HOXA4: variants seen among roughly 807,000 people sequenced by gnomAD.
HOXA4 encodes the protein homeobox protein Hox-A4.
HOXA4 carries 31 observed loss-of-function variants against 25.3 expected under a neutral mutation model. That is an observed-to-expected ratio of 1.22 (90% CI 0.92 to 1.65). The LOEUF is 1.65. HOXA4 is among the 40% of genes most tolerant of loss of function. The pLI, the probability that HOXA4 is intolerant of heterozygous loss-of-function variation, is 0.00. For missense variants in HOXA4, 459 were observed against 446.0 expected (o/e 1.03, Z -0.26); for synonymous variants, 225 against 207.7 (o/e 1.08, Z -0.72).
rs1328086753 is a variant in HOXA4, at chr7:27,129,173, A to G, written c.*52T>C. On this transcript the variant is annotated 3_prime_UTR_variant, in exon 2 of 2. Coordinates refer to ENST00000360046, the MANE Select transcript of HOXA4 (RefSeq NM_002141.5). The stretch of plus-strand genomic sequence containing the variant: ...GGTGGATGAGGAACGGAGCAGGAGA[A>G]GAGAAGAGAAAAGCAGGTAAGGGAT... 1.0e-5 allele frequency: 11 copies of G among 1,078,894 alleles called. No homozygotes were observed. Among genetic ancestry groups the G allele is most frequent in the Non-Finnish European group, 1.4e-5 (10 of 692,120 alleles). The allele number at this position is 1,078,894 out of a possible 1,614,324, so 66.8% of individuals were successfully genotyped here.
At position 27,130,214 on chromosome 7, in the gene HOXA4, C is replaced by CG; in HGVS notation, c.519dup (p.Ala174ArgfsTer34). On this transcript the variant is annotated frameshift_variant, in exon 1 of 2. Coordinates refer to ENST00000360046, the MANE Select transcript of HOXA4 (RefSeq NM_002141.5). LOFTEE classifies it high-confidence loss of function. ...TTGTCGGCCAAGAGCAGCGGGCACG[C>CG]GGGGGCGCTGCCCCCTGCCGGGACG... 2 of 1,525,248 alleles carry CG rather than the reference C, an allele frequency of 1.3e-6. No individual in the cohort carries two copies. Among genetic ancestry groups the CG allele is most frequent in the South Asian group, 1.2e-5 (1 of 83,894 alleles). 94.5% of individuals were successfully genotyped at this position (1,525,248 alleles called of 1,614,324 possible).
chr7:27,129,215 C>T lies in HOXA4; in HGVS notation c.*10G>A. The stretch of plus-strand genomic sequence containing the variant: ...GTAAGGGATAGAAACTGGTTAAGAT[C>T]TCTAGAAGATTATATGGAGGAGGGA... On this transcript the variant is annotated 3_prime_UTR_variant, in exon 2 of 2. Coordinates refer to ENST00000360046, the MANE Select transcript of HOXA4 (RefSeq NM_002141.5). The T allele has an allele frequency of 6.9e-7, 1 of 1,439,056 alleles. No individual in the cohort carries two copies. The highest frequency in any genetic ancestry group is 9.8e-7 in the Non-Finnish European group (1 of 1,021,098). 89.1% of individuals were successfully genotyped at this position (1,439,056 alleles called of 1,614,324 possible). A position where few individuals can be genotyped will look rare whatever the true frequency, so the allele number is the denominator to read the frequency against.
Position 27,129,413 on chromosome 7 carries a change from C to T in HOXA4, c.775G>A (p.Val259Ile). Residue 259 changes from valine to isoleucine, a missense_variant, in exon 2 of 2, where the codon GTC (valine) becomes ATC (isoleucine). Physicochemically the swap from Val to Ile is conservative, Grantham distance 29. Transcript: ENST00000360046. The stretch of plus-strand genomic sequence containing the variant: ...CTCCGGTTCTGAAACCAGATCTTGA[C>T]CTGGCGCTCAGACAAACAGAGCGTG... Reference protein sequence around the residue: ...AHTLCLSERQVKIWFQNRRMK... With the variant: ...AHTLCLSERQIKIWFQNRRMK... 5 of 1,614,170 alleles carry T rather than the reference C, an allele frequency of 3.1e-6. No individual in the cohort carries two copies. The highest frequency in any genetic ancestry group is 4.2e-6 in the Non-Finnish European group (5 of 1,180,044).
intron 1 of HOXA4, 145 bp from the exon 2 acceptor site, chr7:27,129,716 C>A (rs1785438470): frequency 2.3e-6 from 2 of 888,324 alleles, no homozygotes; most frequent in African/African-American, 3.3e-5. Context: ...ACGCAAGATA[C>A]ATAAAACGGC....
chr7:27,130,144 C>G lies in HOXA4; in HGVS notation c.590G>C (p.Trp197Ser). 6.2e-7 allele frequency: 1 copy of G among 1,603,844 alleles called. No homozygotes were observed. The highest frequency in any genetic ancestry group is 8.5e-7 in the Non-Finnish European group (1 of 1,177,826). ...LKGKEPVVYP[W>S]MKKIHVSAVN... ...GGCGCTGACATGGATCTTCTTCATC[C>G]AGGGGTACACCACGGGCTCCTTGCC... Residue 197 changes from tryptophan to serine, a missense_variant, in exon 1 of 2, where the codon TGG becomes TCG. By Grantham distance (177) the Trp-to-Ser change is radical. Transcript: ENST00000360046.
In HOXA4 at chr7:27,130,616, G is replaced by T. The variant is rs751626752; in HGVS notation, c.118C>A (p.Pro40Thr). ...GGADGGPGGG[P>T]GYQQPPAPPT... Reference sequence around the variant, plus strand: ...GGCGCTGGGGGCTGCTGGTAGCCGGGGCCCCCGCCCGGGCCGCCGTCTGCG... The same window carrying T: ...GGCGCTGGGGGCTGCTGGTAGCCGGTGCCCCCGCCCGGGCCGCCGTCTGCG... Residue 40 changes from proline to threonine, a missense_variant, in exon 1 of 2, where the codon CCC (proline) becomes ACC (threonine). Transcript: ENST00000360046. 3.2e-6 allele frequency: 5 copies of T among 1,553,888 alleles called. No homozygotes were observed. The highest frequency in any genetic ancestry group is 4.4e-6 in the Non-Finnish European group (5 of 1,148,814).
chr7:27,128,974 C>T lies in HOXA4; in HGVS notation c.*251G>A. On this transcript the variant is annotated 3_prime_UTR_variant, in exon 2 of 2. Transcript: ENST00000360046. ...AAGTAGTCCTTCTCAGGTATCCACA[C>T]CTGGCAGCCTTGTTTCGGGCCAGCA... The T allele has an allele frequency of 1.8e-6, 1 of 566,560 alleles. No individual in the cohort carries two copies. The highest frequency in any genetic ancestry group is 3.2e-6 in the Non-Finnish European group (1 of 316,392). The allele number at this position is 566,560 out of a possible 1,614,324, so 35.1% of individuals were successfully genotyped here. A position where few individuals can be genotyped will look rare whatever the true frequency, so the allele number is the denominator to read the frequency against.
intron 1 of HOXA4, among the ~76,000 whole-genome samples, chr7:27,129,804 A>G (rs1474166737): frequency 6.6e-6 from 1 of 152,240 alleles, no homozygotes; most frequent in Non-Finnish European, 1.5e-5. Flanking sequence ...ATTGGGGCTG[A>G]AGAAAAGCTT....
rs1203638637 is a variant in HOXA4, at chr7:27,130,254, G to C, written c.480C>G (p.Ala160=). Residue 160 remains alanine (A), a synonymous_variant, in exon 1 of 2, where the codon GCC becomes GCG. Coordinates refer to ENST00000360046, the MANE Select transcript of HOXA4 (RefSeq NM_002141.5). The stretch of plus-strand genomic sequence containing the variant: ...CTGCCGGGACGCCTGGGGTGGCGGG[G>C]GCCGCCTCGCAGCGCCGCGGGGCCG... ...PPAAPRRCEA[A]PATPGVPAGG... is the part of the protein sequence containing the mutation. 2 of 1,236,540 alleles carry C rather than the reference G, an allele frequency of 1.6e-6. No individual in the cohort carries two copies. Among genetic ancestry groups the C allele is most frequent in the East Asian group, 3.6e-5 (1 of 27,886 alleles). The allele number at this position is 1,236,540 out of a possible 1,614,324, so 76.6% of individuals were successfully genotyped here.
intron 1 of HOXA4, 63 bp from the exon 2 acceptor site, chr7:27,129,634 G>A: frequency 3.8e-6 from 6 of 1,579,786 alleles, no homozygotes; most frequent in Non-Finnish European, 5.2e-6. Context: ...AGGGAAAGGA[G>A]GAGGAGAGAG....
rs1161814343 is a variant in HOXA4 at position 27,129,567 on chromosome 7, G to T, written c.621C>A (p.Asn207Lys). ...TAGGCTCCCCTCCGTTATAACTGGGGTTAACTGAAAACCCAGAACCCCGAA... is the reference window on the plus strand; with the variant it reads ...TAGGCTCCCCTCCGTTATAACTGGGTTTAACTGAAAACCCAGAACCCCGAA... ...WMKKIHVSAV[N>K]PSYNGGEPKR... Residue 207 changes from asparagine to lysine, a missense_variant, in exon 2 of 2, where the codon AAC becomes AAA. Physicochemically the swap from Asn to Lys is moderately conservative, Grantham distance 94. Coordinates refer to ENST00000360046, the MANE Select transcript of HOXA4 (RefSeq NM_002141.5). 1 of 1,612,478 alleles carries T rather than the reference G, an allele frequency of 6.2e-7. No individual in the cohort carries two copies. The highest frequency in any genetic ancestry group is 2.2e-5 in the East Asian group (1 of 44,870).
At position 27,129,187 on chromosome 7, in the gene HOXA4, C is replaced by A; in HGVS notation, c.*38G>T. On this transcript the variant is annotated 3_prime_UTR_variant, in exon 2 of 2. Coordinates refer to ENST00000360046, the MANE Select transcript of HOXA4 (RefSeq NM_002141.5). ...GGAGCAGGAGAAGAGAAGAGAAAAG[C>A]AGGTAAGGGATAGAAACTGGTTAAG... 2.5e-6 allele frequency: 3 copies of A among 1,182,834 alleles called. No homozygotes were observed. Among genetic ancestry groups the A allele is most frequent in the Non-Finnish European group, 3.8e-6 (3 of 787,926 alleles). 73.3% of individuals were successfully genotyped at this position (1,182,834 alleles called of 1,614,324 possible). A position where few individuals can be genotyped will look rare whatever the true frequency, so the allele number is the denominator to read the frequency against.
rs529903815 is a variant in HOXA4, at chr7:27,130,149, G to A, written c.585C>T (p.Tyr195=). 9.0e-5 allele frequency: 145 copies of A among 1,603,542 alleles called. 1 individual carries two copies. The South Asian group carries it at 1.4e-3, about 16-fold the overall frequency. The change falls in exon 1 of 2, where the codon TAC becomes TAT. Residue 195 remains tyrosine (Y), a synonymous_variant. Coordinates refer to ENST00000360046, the MANE Select transcript of HOXA4 (RefSeq NM_002141.5). ...LGLKGKEPVV[Y]PWMKKIHVSA... ...TGACATGGATCTTCTTCATCCAGGG[G>A]TACACCACGGGCTCCTTGCCCTTCA...
intron 1 of HOXA4, 80 bp from the exon 2 acceptor site, chr7:27,129,651 G>A: frequency 6.7e-7 from 1 of 1,500,012 alleles, no homozygotes; most frequent in Non-Finnish European, 9.1e-7. Flanking sequence ...AGAGAAGGTG[G>A]GGTGGGGAAG....
chr7:27,129,290 G>A lies in HOXA4; in HGVS notation c.898C>T (p.Gln300Ter). The A allele has an allele frequency of 1.2e-6, 2 of 1,614,084 alleles. No homozygotes were observed. The highest frequency in any genetic ancestry group is 8.5e-7 in the Non-Finnish European group (1 of 1,179,988). Residue 300 changes from glutamine (Q) to a stop codon, truncating the protein, a stop_gained, in exon 2 of 2, where the codon CAG (glutamine) becomes TAG (stop). Transcript: ENST00000360046. LOFTEE classifies it high-confidence loss of function. ...GGGTGGGGATGGAGGTGTGGGCTCT[G>A]AGTTTGTGCTTTCCCTGGTGGGCCG... ...SAGPPGKAQT[Q>*]SPHLHPHPHP...
Position 27,130,657 on chromosome 7 carries a change from T to C in HOXA4, c.77A>G (p.His26Arg). The change falls in exon 1 of 2, where the codon CAC (histidine) becomes CGC (arginine). Residue 26 changes from histidine (H) to arginine (R), a missense_variant. Transcript: ENST00000360046. ...KFPPFEEYAQ[H>R]SGSGGADGGP... ...GCCGTCTGCGCCGCCCGAGCCGCTGTGCTGCGCGTACTCCTCGAAGGGAGG... is the reference window on the plus strand; with the variant it reads ...GCCGTCTGCGCCGCCCGAGCCGCTGCGCTGCGCGTACTCCTCGAAGGGAGG... 6.2e-7 allele frequency: 1 copy of C among 1,605,216 alleles called. No individual in the cohort carries two copies. The highest frequency in any genetic ancestry group is 8.5e-7 in the Non-Finnish European group (1 of 1,175,780).
Position 27,128,752 on chromosome 7 carries a change from T to C in HOXA4, c.*473A>G, listed in dbSNP as rs1785388094. ...ACATCTTAAGAATTAAATAATCTTG[T>C]GAGGTCCACAATGTCTACTCATTTA... is the stretch of plus-strand genomic sequence containing the variant. On this transcript the variant is annotated 3_prime_UTR_variant, in exon 2 of 2. Coordinates refer to ENST00000360046, the MANE Select transcript of HOXA4 (RefSeq NM_002141.5). 1 of 181,366 alleles carries C rather than the reference T, an allele frequency of 5.5e-6. No homozygotes were observed. Among genetic ancestry groups the C allele is most frequent in the Non-Finnish European group, 1.2e-5 (1 of 83,856 alleles). 11.2% of individuals were successfully genotyped at this position (181,366 alleles called of 1,614,324 possible). A position where few individuals can be genotyped will look rare whatever the true frequency, so the allele number is the denominator to read the frequency against.
At chr7:27,130,075 A>C (rs1435947013) in intron 1 of HOXA4, 43 bp downstream of exon 1, 2 of 1,548,840 alleles carry the variant, frequency 1.3e-6, no homozygotes, top group Non-Finnish European at 1.7e-6. Context: ...ACCCAGGCCC[A>C]GCCCCGGCCC....
chr7:27,130,306 G>C lies in HOXA4; in HGVS notation c.428C>G (p.Pro143Arg). The stretch of plus-strand genomic sequence containing the variant: ...TGGGGGCACGGCGCGAGGCTGCAGG[G>C]GCGGCGGCAGCTGGGGCTGCAGGAC... ...SHVLQPQLPPPLQPRAVPPAA... is the reference protein window; with the variant it reads ...SHVLQPQLPPRLQPRAVPPAA... The change falls in exon 1 of 2, where the codon CCC (proline) becomes CGC (arginine). Residue 143 changes from proline (P) to arginine (R), a missense_variant. By Grantham distance (103) the Pro-to-Arg change is moderately radical. Transcript: ENST00000360046. 1 of 1,085,388 alleles carries C rather than the reference G, an allele frequency of 9.2e-7. No homozygotes were observed. The highest frequency in any genetic ancestry group is 1.1e-6 in the Non-Finnish European group (1 of 895,096). 67.2% of individuals were successfully genotyped at this position (1,085,388 alleles called of 1,614,324 possible).
Sources: gnomAD v4.1 joint callset for allele counts (sites outside exome capture counted in the v4.1 genomes callset) on GRCh38, gnomAD v4.1.1 for gene constraint, MANE v1.5 for transcripts, NCBI Gene and HGNC (gene_info 2026-07-23, HGNC 2026-07-21) for gene names.